SCRG1: variants seen among roughly 807,000 people sequenced by gnomAD.
SCRG1 encodes the protein scrapie-responsive protein 1.
In SCRG1, 3 loss-of-function variants were observed where a neutral mutation model predicts 7.7. The ratio of observed to expected loss-of-function variants is 0.39; its 90% confidence interval spans 0.18 to 1.01. The LOEUF (loss-of-function observed/expected upper bound fraction) is 1.01, where lower values mean the gene tolerates loss of function less well. Among genes scored for constraint, SCRG1 ranks in the 50% least tolerant of loss-of-function variants. SCRG1 has a pLI of 0.36. For missense variants in SCRG1, 110 were observed against 117.2 expected, an observed-to-expected ratio of 0.94 and a Z score of 0.28; for synonymous variants, 46 against 41.2, an observed-to-expected ratio of 1.12 and a Z score of -0.44.
chr4:173,508,442 C>A, the SCRG1 span, among the ~76,000 whole-genome samples: 2 of 152,082 alleles, frequency 1.3e-5, no homozygotes, highest in Non-Finnish European at 2.9e-5. The surrounding 1 kb of genome is among the most constrained non-coding windows in gnomAD (Gnocchi z 4.4). Flanking sequence ...TAACCGCCTC[C>A]CAGCACGCCC....
the SCRG1 span, among the ~76,000 whole-genome samples, chr4:173,473,038 G>T: frequency 6.6e-6 from 1 of 152,160 alleles, no homozygotes; most frequent in Non-Finnish European, 1.5e-5. Flanking sequence ...AAATTAGTTA[G>T]CCATTGCAAC....
the SCRG1 span, among the ~76,000 whole-genome samples, chr4:173,437,358 A>G: frequency 2.0e-5 from 3 of 152,238 alleles, no homozygotes; most frequent in Admixed American, 6.5e-5. Flanking sequence ...AGCATATTTA[A>G]TAAAGCACAT....
chr4:173,394,971 T>C (rs913196526), intron 1 of SCRG1, among the ~76,000 whole-genome samples: 5 of 152,186 alleles, frequency 3.3e-5, no homozygotes, highest in African/African-American at 1.2e-4. Context: ...ACAATAAAGA[T>C]GTATAGAGTA....
the SCRG1 span, among the ~76,000 whole-genome samples, chr4:173,427,445 A>G: frequency 6.6e-6 from 1 of 152,288 alleles, no homozygotes; most frequent in East Asian, 1.9e-4. Context: ...CATCATGTTT[A>G]TAAAATACTG....
chr4:173,406,057 G>A (rs1739896658), intron 1 of SCRG1, among the ~76,000 whole-genome samples: 1 of 152,170 alleles, frequency 6.6e-6, no homozygotes, highest in Non-Finnish European at 1.5e-5. Context: ...ATAACTGTCT[G>A]TATCTACAAC....
At chr4:173,404,393 A>T (rs4695834) in exon 2 of SCRG1, 1 of 152,146 alleles carries the variant, frequency 6.6e-6, no homozygotes, top group Non-Finnish European at 1.5e-5. Flanking sequence ...ACAGTTCTTA[A>T]CTGGACAGTC....
the SCRG1 span, among the ~76,000 whole-genome samples, chr4:173,500,227 G>A: frequency 6.6e-6 from 1 of 152,190 alleles, no homozygotes; most frequent in African/African-American, 2.4e-5. Flanking sequence ...CCTGCGTCAC[G>A]GAAACAAGCC....
chr4:173,444,122 C>T, the SCRG1 span, among the ~76,000 whole-genome samples: 1 of 151,810 alleles, frequency 6.6e-6, no homozygotes, highest in Non-Finnish European at 1.5e-5. Context: ...TACAGGTGCC[C>T]GCCACCACGC....
Position 173,388,253 on chromosome 4 carries a change from C to T in SCRG1, c.*88G>A. 1.2e-6 allele frequency: 1 copy of T among 847,428 alleles called. No homozygotes were observed. The highest frequency in any genetic ancestry group is 1.9e-6 in the Non-Finnish European group (1 of 527,074). 52.5% of individuals were successfully genotyped at this position (847,428 alleles called of 1,614,324 possible). ...TTTATAGAATCTATGCTCTATTGCA[C>T]TATATAGAAACTAGAAATGCAGTTA... On this transcript the variant is annotated 3_prime_UTR_variant, in exon 3 of 3. Coordinates refer to ENST00000296506, the MANE Select transcript of SCRG1 (RefSeq NM_007281.4).
the SCRG1 span, chr4:173,446,579 C>A: frequency 6.6e-6 from 1 of 152,142 alleles, no homozygotes; most frequent in Non-Finnish European, 1.5e-5. Context: ...AGTTTCCATA[C>A]CCATAAACAT....
the SCRG1 span, among the ~76,000 whole-genome samples, chr4:173,494,999 G>A: frequency 6.6e-6 from 1 of 152,206 alleles, no homozygotes; most frequent in Non-Finnish European, 1.5e-5. Context: ...ATCTGTCTGT[G>A]GCAGCGTTGG....
the SCRG1 span, chr4:173,420,048 G>A: frequency 4.8e-6 from 3 of 627,412 alleles, no homozygotes; most frequent in Non-Finnish European, 5.9e-6. Flanking sequence ...TCTGAGCATA[G>A]TAATCAGTTT....
chr4:173,418,072 G>A, the SCRG1 span, among the ~76,000 whole-genome samples: 4 of 152,066 alleles, frequency 2.6e-5, no homozygotes, highest in Admixed American at 2.6e-4. Flanking sequence ...TTTGGTGGTG[G>A]CAATTGGCAT....
At chr4:173,490,286 A>G in the SCRG1 span, among the ~76,000 whole-genome samples, 145 of 152,342 alleles carry the variant, frequency 9.5e-4, no homozygotes, top group Non-Finnish European at 1.7e-3. Context: ...AACAAAACCT[A>G]TTCTTTTAAA....
the SCRG1 span, among the ~76,000 whole-genome samples, chr4:173,426,772 A>G: frequency 2.0e-5 from 3 of 152,238 alleles, no homozygotes; most frequent in Non-Finnish European, 4.4e-5. Context: ...CCTGGCATCA[A>G]GAATTATTTT....
intron 1 of SCRG1, among the ~76,000 whole-genome samples, chr4:173,396,878 C>T (rs1166008747): frequency 6.6e-6 from 1 of 151,902 alleles, no homozygotes; most frequent in East Asian, 1.9e-4. Flanking sequence ...CATGGTGAAA[C>T]CCCATCTCTA....
the SCRG1 span, chr4:173,470,171 T>TTTG: frequency 1.1e-4 from 16 of 151,156 alleles, no homozygotes; most frequent in Admixed American, 1.1e-3. Context: ...ATGTGTTGTT[T>TTTG]TTGTTGTTGT....
At chr4:173,412,551 C>T in the SCRG1 span, among the ~76,000 whole-genome samples, 1 of 152,156 alleles carries the variant, frequency 6.6e-6, no homozygotes, top group Non-Finnish European at 1.5e-5. Context: ...GGAGAAAATC[C>T]CCTCTGTTGG....
At chr4:173,462,199 A>C in the SCRG1 span, among the ~76,000 whole-genome samples, 1 of 152,202 alleles carries the variant, frequency 6.6e-6, no homozygotes, top group Non-Finnish European at 1.5e-5. Flanking sequence ...TCCAAGTACA[A>C]CAAGGTTATA....
Sources: gnomAD v4.1 joint callset for allele counts (sites outside exome capture counted in the v4.1 genomes callset) on GRCh38, gnomAD v4.1.1 for gene constraint, Gnocchi (gnomAD v3.1) non-coding constraint, MANE v1.5 for transcripts, NCBI Gene and HGNC (gene_info 2026-07-23, HGNC 2026-07-21) for gene names.